Variants in CDK8 observed in about 807,000 individuals in gnomAD.
The protein encoded by CDK8 is cyclin-dependent kinase 8.
Under a neutral mutation model 71.5 loss-of-function variants are expected in CDK8, and 29 were observed. The observed-to-expected ratio is 0.41, with a 90% CI of 0.30 to 0.55. CDK8 has a LOEUF of 0.55. Among genes scored for constraint, CDK8 ranks in the 20% least tolerant of loss-of-function variants. The pLI, the probability that CDK8 is intolerant of heterozygous loss-of-function variation, is 0.37. For missense variants in CDK8, 288 were observed against 572.6 expected, an observed-to-expected ratio of 0.50 and a Z score of 5.07; for synonymous variants, 161 against 192.1, an observed-to-expected ratio of 0.84 and a Z score of 1.34.
chr13:26,360,175 G>A (rs909102021), intron 4 of CDK8, among the ~76,000 whole-genome samples: 1 of 152,074 alleles, frequency 6.6e-6, no homozygotes, highest in African/African-American at 2.4e-5. Context: ...AAAATTTGAG[G>A]CAAAGCATGA....
rs775161399 is a variant in CDK8 at position 26,348,444 on chromosome 13, A to T, written c.205-628A>T. Reference sequence around the variant, plus strand: ...AGATTCTCATAGGAGCTTGAACACTATTGTGAACTGCGCATGTGAAGGATC... The same window carrying T: ...AGATTCTCATAGGAGCTTGAACACTTTTGTGAACTGCGCATGTGAAGGATC... On this transcript the variant is annotated intron_variant, in intron 2 of 12. Coordinates refer to ENST00000381527, the MANE Select transcript of CDK8 (RefSeq NM_001260.3). Among the ~76,000 whole-genome samples, 8 of 152,276 alleles carry T rather than the reference A, an allele frequency of 5.3e-5. No individual in the cohort carries two copies. The East Asian group carries it at 1.5e-3, about 29-fold the overall frequency.
chr13:26,265,872 G>A (rs756093870), intron 1 of CDK8, among the ~76,000 whole-genome samples: 6 of 152,154 alleles, frequency 3.9e-5, no homozygotes, highest in Non-Finnish European at 7.4e-5. Context: ...ATAGTAATAA[G>A]TTCCGATTTC....
At chr13:26,323,587 C>A (rs1203200303) in intron 1 of CDK8, among the ~76,000 whole-genome samples, 1 of 152,096 alleles carries the variant, frequency 6.6e-6, no homozygotes, top group Non-Finnish European at 1.5e-5. Context: ...ATTAGGCCCT[C>A]GTTCTCATTT....
chr13:26,272,924 T>C (rs1872397476), intron 1 of CDK8, among the ~76,000 whole-genome samples: 1 of 152,232 alleles, frequency 6.6e-6, no homozygotes, highest in Non-Finnish European at 1.5e-5. Flanking sequence ...TTGGCTTGTC[T>C]TTTTACTTTC....
Position 26,278,436 on chromosome 13 carries a change from G to A in CDK8, c.128+23667G>A, listed in dbSNP as rs568184142. ...ATAGTGCTCTAATCCTCCGACCACC[G>A]TTTCCCTTTCCATCTAGTAGTGAGG... is the stretch of plus-strand genomic sequence containing the variant. On this transcript the variant is annotated intron_variant, in intron 1 of 12. Transcript: ENST00000381527. 2.0e-3 allele frequency among the ~76,000 whole-genome samples: 304 copies of A among 152,264 alleles called. 8 individuals are homozygous for A. Among genetic ancestry groups the A allele is most frequent in the Middle Eastern group, 6.8e-3 (2 of 294 alleles).
At chr13:26,318,041 A>T (rs1874594264) in intron 1 of CDK8, among the ~76,000 whole-genome samples, 1 of 152,018 alleles carries the variant, frequency 6.6e-6, no homozygotes, top group African/African-American at 2.4e-5. Flanking sequence ...AGCTAGGTGG[A>T]CTAAGAAAAA....
At chr13:26,289,275 A>C (rs1288125714) in intron 1 of CDK8, among the ~76,000 whole-genome samples, 1 of 151,590 alleles carries the variant, frequency 6.6e-6, no homozygotes, top group African/African-American at 2.4e-5. Flanking sequence ...GGATGGTCTC[A>C]ATCTCCTGAC....
intron 1 of CDK8, among the ~76,000 whole-genome samples, chr13:26,280,180 A>G (rs1397028219): frequency 6.6e-6 from 1 of 152,232 alleles, no homozygotes; most frequent in Non-Finnish European, 1.5e-5. Flanking sequence ...ATTACGTGTA[A>G]AATTTTCAGC....
rs1274585345 is a variant in CDK8 at position 26,404,405 on chromosome 13, G to T, written c.*324G>T. The T allele has an allele frequency of 6.9e-6, 2 of 288,582 alleles. No individual in the cohort carries two copies. Among genetic ancestry groups the T allele is most frequent in the Non-Finnish European group, 1.3e-5 (2 of 151,524 alleles). The allele number at this position is 288,582 out of a possible 1,614,324, so 17.9% of individuals were successfully genotyped here. A position where few individuals can be genotyped will look rare whatever the true frequency, so the allele number is the denominator to read the frequency against. ...AGCAGTTGAAGCTGTGAATGTGCTA[G>T]GGGCAAGCATTTGTCTTTGTATGTG... On this transcript the variant is annotated 3_prime_UTR_variant, in exon 13 of 13. Coordinates refer to ENST00000381527, the MANE Select transcript of CDK8 (RefSeq NM_001260.3).
intron 6 of CDK8, among the ~76,000 whole-genome samples, chr13:26,389,449 G>A (rs1359793042): frequency 6.6e-6 from 1 of 151,734 alleles, no homozygotes; most frequent in East Asian, 2.0e-4. Context: ...TGTGAGCCAC[G>A]ACACCCAGCC....
intron 1 of CDK8, among the ~76,000 whole-genome samples, chr13:26,262,809 A>G (rs1337846730): frequency 6.6e-6 from 1 of 152,328 alleles, no homozygotes; most frequent in South Asian, 2.1e-4. Flanking sequence ...TGATCGTTTT[A>G]TTTGAAATTT....
rs188249238 is a variant in CDK8, at chr13:26,384,450, G to A, written c.515-761G>A. On this transcript the variant is annotated intron_variant, in intron 5 of 12. Transcript: ENST00000381527. ...ACTGTACATGATACTATTAGGGATA[G>A]ATATGAAAGAGACGCAATTTTTGCC... is the stretch of plus-strand genomic sequence containing the variant. 1.8e-3 allele frequency among the ~76,000 whole-genome samples: 281 copies of A among 152,256 alleles called. 3 individuals are homozygous for A. Among genetic ancestry groups the A allele is most frequent in the African/African-American group, 6.3e-3 (260 of 41,562 alleles).
chr13:26,299,828 T>C (rs1209105478), intron 1 of CDK8, among the ~76,000 whole-genome samples: 2 of 152,100 alleles, frequency 1.3e-5, no homozygotes, highest in Non-Finnish European at 2.9e-5. Context: ...AATAGAGGAG[T>C]AGCAAGGGTC....
intron 3 of CDK8, among the ~76,000 whole-genome samples, chr13:26,349,480 A>G (rs1873598576): frequency 1.3e-5 from 2 of 152,224 alleles, no homozygotes; most frequent in African/African-American, 4.8e-5. Context: ...TAACTAATAT[A>G]TATAAAATTT....
At chr13:26,340,868 A>G (rs1873211361) in intron 2 of CDK8, among the ~76,000 whole-genome samples, 1 of 152,018 alleles carries the variant, frequency 6.6e-6, no homozygotes, top group South Asian at 2.1e-4. Flanking sequence ...GAAGGGAGGG[A>G]GGGAGGAAGG....
At chr13:26,380,556 T>C (rs572341277) in intron 4 of CDK8, among the ~76,000 whole-genome samples, 14 of 152,044 alleles carry the variant, frequency 9.2e-5, no homozygotes, top group Admixed American at 4.6e-4. Context: ...TGATCATGGC[T>C]CACTGCGGTC....
At chr13:26,292,703 A>G (rs1009312387) in intron 1 of CDK8, among the ~76,000 whole-genome samples, 2 of 152,194 alleles carry the variant, frequency 1.3e-5, no homozygotes, top group African/African-American at 4.8e-5. Flanking sequence ...TATTGGGGCA[A>G]ACTAGCAGTG....
intron 4 of CDK8, among the ~76,000 whole-genome samples, chr13:26,361,924 A>G (rs1874163398): frequency 6.7e-6 from 1 of 149,708 alleles, no homozygotes; most frequent in Admixed American, 6.7e-5. Flanking sequence ...GCCACCACAC[A>G]CAGCCATTTT....
intron 1 of CDK8, among the ~76,000 whole-genome samples, chr13:26,333,682 A>G (rs1217930102): frequency 2.0e-5 from 3 of 152,216 alleles, no homozygotes; most frequent in South Asian, 4.1e-4. Flanking sequence ...TATGGTGTAT[A>G]TGAAACATAA....
Sources: allele counts gnomAD v4.1 joint callset (sites outside exome capture counted in the v4.1 genomes callset), GRCh38; gene constraint gnomAD v4.1.1; transcripts MANE v1.5; gene names NCBI Gene and HGNC (gene_info 2026-07-23, HGNC 2026-07-21).